The following CDC14A variants were observed in gnomAD, a reference collection of about 807,000 sequenced individuals.
CDC14A encodes cell division cycle 14A.
Under a neutral mutation model 74.4 loss-of-function variants are expected in CDC14A, and 53 were observed. The observed-to-expected ratio is 0.71, with a 90% CI of 0.57 to 0.89. CDC14A has a LOEUF of 0.89. Ranked by LOEUF, CDC14A falls within the 40% of genes least tolerant of loss-of-function variation. The pLI is 0.00. For synonymous variants in CDC14A, 247 were observed against 258.4 expected (o/e 0.96, Z 0.43); for missense variants, 646 against 713.7 (o/e 0.91, Z 1.08).
intron 14 of CDC14A, 141 bp from the exon 15 acceptor site, chr1:100,498,788 A>G: frequency 8.1e-7 from 1 of 1,227,246 alleles, no homozygotes; most frequent in Non-Finnish European, 1.1e-6. Context: ...TGAGGAAGCC[A>G]TCCTGACATC....
chr1:100,506,632 T>C (rs1226032838), intron 15 of CDC14A, among the ~76,000 whole-genome samples: 1 of 152,254 alleles, frequency 6.6e-6, no homozygotes, highest in Non-Finnish European at 1.5e-5. Flanking sequence ...TTTTTGACTG[T>C]ACATTTGAAA....
rs137961985 is a variant in CDC14A at position 100,418,231 on chromosome 1, A to C, written c.310-5991A>C. 5.8e-3 allele frequency among the ~76,000 whole-genome samples: 890 copies of C among 152,312 alleles called. 16 individuals are homozygous for C. The highest frequency in any genetic ancestry group is 0.021 in the African/African-American group (863 of 41,568). On this transcript the variant is annotated intron_variant, in intron 4 of 15. Coordinates refer to ENST00000336454, the MANE Select transcript of CDC14A (RefSeq NM_003672.4). ...TATTGTTGTCATTATTGTGATCATT[A>C]TCACCTATAGTTGAGTGTCATATTC...
upstream of CDC14A, among the ~76,000 whole-genome samples, chr1:100,349,878 T>C (rs749092872): frequency 2.0e-5 from 3 of 151,968 alleles, no homozygotes; most frequent in Non-Finnish European, 4.4e-5. Context: ...TGGAGTGCCG[T>C]GGCACTATCT....
intron 4 of CDC14A, chr1:100,393,481 G>A (rs1162088464): frequency 2.6e-6 from 2 of 770,588 alleles, no homozygotes; most frequent in Non-Finnish European, 4.8e-6. Context: ...GTTGGTTGTC[G>A]AGCAGCCAGT....
At position 100,388,027 on chromosome 1, in the gene CDC14A, A is replaced by G. The variant is rs1657116772; in HGVS notation, c.217-2705A>G. On this transcript the variant is annotated intron_variant, in intron 3 of 15. Coordinates refer to ENST00000336454, the MANE Select transcript of CDC14A (RefSeq NM_003672.4). Reference sequence around the variant, plus strand: ...AAAACCTAAATTCTTAGTAGAAAAGAGCATCAAAAATGATAATCCAGACTT... The same window carrying G: ...AAAACCTAAATTCTTAGTAGAAAAGGGCATCAAAAATGATAATCCAGACTT... Among the ~76,000 whole-genome samples, 3 of 152,256 alleles carry G rather than the reference A, an allele frequency of 2.0e-5. No homozygotes were observed. The South Asian group carries it at 6.2e-4, about 32-fold the overall frequency.
intron 4 of CDC14A, chr1:100,393,474 G>A (rs992091068): frequency 2.6e-6 from 2 of 772,236 alleles, no homozygotes; most frequent in Non-Finnish European, 4.8e-6. Flanking sequence ...CAATTCAGTT[G>A]GTTGTCGAGC....
chr1:100,352,725 G>C lies in CDC14A; in HGVS notation c.-230G>C. 5.7e-6 allele frequency: 8 copies of C among 1,393,720 alleles called. No homozygotes were observed. Among genetic ancestry groups the C allele is most frequent in the Non-Finnish European group, 7.4e-6 (8 of 1,078,796 alleles). The allele number at this position is 1,393,720 out of a possible 1,614,324, so 86.3% of individuals were successfully genotyped here. A position where few individuals can be genotyped will look rare whatever the true frequency, so the allele number is the denominator to read the frequency against. Reference sequence around the variant, plus strand: ...CAAATAGGAGCGGCCACAGCCAGGGGCGTGAGCGCCCCGCGCGGAGCGAGC... The same window carrying C: ...CAAATAGGAGCGGCCACAGCCAGGGCCGTGAGCGCCCCGCGCGGAGCGAGC... On this transcript the variant is annotated 5_prime_UTR_variant, in exon 1 of 16. Coordinates refer to ENST00000336454, the MANE Select transcript of CDC14A (RefSeq NM_003672.4).
intron 5 of CDC14A, among the ~76,000 whole-genome samples, chr1:100,429,529 TA>T (rs980804356): frequency 6.6e-6 from 1 of 151,306 alleles, no homozygotes; most frequent in African/African-American, 2.4e-5. Flanking sequence ...TGGGGAGCTT[TA>T]AAAAACTACT....
intron 10 of CDC14A, among the ~76,000 whole-genome samples, chr1:100,469,247 G>A (rs1310010754): frequency 6.6e-6 from 1 of 152,200 alleles, no homozygotes; most frequent in African/African-American, 2.4e-5. Context: ...ATTTGAGCCT[G>A]CTGAGGAATT....
chr1:100,393,526 A>G (rs1658006156), intron 4 of CDC14A: 2 of 759,828 alleles, frequency 2.6e-6, no homozygotes, highest in African/African-American at 3.4e-5. Context: ...TCAGTTTCAA[A>G]AGCAGAATAA....
At chr1:100,467,691 C>T (rs1571268413) in intron 9 of CDC14A, among the ~76,000 whole-genome samples, 2 of 152,306 alleles carry the variant, frequency 1.3e-5, no homozygotes, top group East Asian at 3.9e-4. Context: ...CTGGCTTTTC[C>T]ACTCCAGCCA....
chr1:100,397,908 AC>A (rs1396168079), intron 4 of CDC14A, among the ~76,000 whole-genome samples: 3 of 152,132 alleles, frequency 2.0e-5, no homozygotes, highest in Non-Finnish European at 4.4e-5. Context: ...TATTTTGTAG[AC>A]TACACTTAAG....
At chr1:100,423,825 A>C (rs1285770170) in intron 4 of CDC14A, 2 of 187,542 alleles carry the variant, frequency 1.1e-5, no homozygotes, top group African/African-American at 4.6e-5. Flanking sequence ...GCTCACTGTG[A>C]GAAGTCTTTC....
At chr1:100,378,264 GA>G (rs1379751820) in intron 3 of CDC14A, among the ~76,000 whole-genome samples, 1 of 151,994 alleles carries the variant, frequency 6.6e-6, no homozygotes, top group African/African-American at 2.4e-5. Flanking sequence ...AGCATATGAG[GA>G]AACTCATCTA....
At chr1:100,363,758 G>T (rs774092475) in intron 2 of CDC14A, among the ~76,000 whole-genome samples, 6 of 152,064 alleles carry the variant, frequency 3.9e-5, no homozygotes, top group Non-Finnish European at 7.4e-5. Context: ...CAGTGAGACA[G>T]CTTCTACAGA....
chr1:100,392,969 A>C (rs1657920435), intron 4 of CDC14A: 2 of 1,067,294 alleles, frequency 1.9e-6, no homozygotes, highest in Non-Finnish European at 2.7e-6. Context: ...TGTCCTTAAC[A>C]GTTCATTAAA....
rs1444263712 is a variant in CDC14A at position 100,519,860 on chromosome 1, G to A, written c.*1580G>A. The stretch of plus-strand genomic sequence containing the variant: ...TTATAAAAATTGGTTAATTGTATAG[G>A]AAGATGACAGTATTTTTTTCAAGTT... On this transcript the variant is annotated 3_prime_UTR_variant, in exon 16 of 16. Transcript: ENST00000336454. The A allele has an allele frequency of 6.6e-6, 1 of 152,250 alleles. No individual in the cohort carries two copies. The highest frequency in any genetic ancestry group is 1.5e-5 in the Non-Finnish European group (1 of 67,938). 9.4% of individuals were successfully genotyped at this position (152,250 alleles called of 1,614,324 possible). A position where few individuals can be genotyped will look rare whatever the true frequency, so the allele number is the denominator to read the frequency against.
intron 4 of CDC14A, among the ~76,000 whole-genome samples, chr1:100,397,434 T>C (rs1295156153): frequency 1.3e-5 from 2 of 152,202 alleles, no homozygotes; most frequent in Admixed American, 6.5e-5. Context: ...TAAAACACTC[T>C]GATATGAGTT....
At chr1:100,457,626 G>GTT (rs869054325) in intron 8 of CDC14A, among the ~76,000 whole-genome samples, 2 of 140,648 alleles carry the variant, frequency 1.4e-5, no homozygotes, top group Non-Finnish European at 1.6e-5. Context: ...CACCTGGCTG[G>GTT]TTTTTTTTTT....
Sources: gnomAD v4.1 joint callset for allele counts (sites outside exome capture counted in the v4.1 genomes callset) on GRCh38, gnomAD v4.1.1 for gene constraint, MANE v1.5 for transcripts, NCBI Gene and HGNC (gene_info 2026-07-23, HGNC 2026-07-21) for gene names.